Variants in COL24A1 observed in about 807,000 individuals in gnomAD.
COL24A1 encodes the protein collagen alpha-1(XXIV) chain.
In COL24A1, 224 loss-of-function variants were observed where a neutral mutation model predicts 253.9. The observed-to-expected ratio is 0.88, with a 90% CI of 0.79 to 0.99. The LOEUF is 0.99. Ranked by LOEUF, COL24A1 falls within the 50% of genes least tolerant of loss-of-function variation. The probability of loss-of-function intolerance (pLI) is 0.00; values close to 1 mark genes in which losing one functional copy is unlikely to be tolerated. For synonymous variants in COL24A1, 685 were observed against 673.7 expected, an observed-to-expected ratio of 1.02 and a Z score of -0.26; for missense variants, 2,131 against 2,068.5, an observed-to-expected ratio of 1.03 and a Z score of -0.59.
intron 3 of COL24A1, among the ~76,000 whole-genome samples, chr1:86,118,844 A>C (rs1336052): frequency 0.91 from 137,752 of 152,012 alleles, 62,496 homozygotes; most frequent in Middle Eastern, 0.98. Flanking sequence ...GCCATGAGTA[A>C]AACAAAACAA....
chr1:86,047,232 C>T (rs767539667), intron 11 of COL24A1, among the ~76,000 whole-genome samples: 3 of 152,184 alleles, frequency 2.0e-5, no homozygotes, highest in Non-Finnish European at 4.4e-5. Context: ...CTCCTCTCTG[C>T]CTTCCCCTCT....
chr1:86,022,613 A>G (rs2101355942), intron 16 of COL24A1, 22 bp from the exon 17 acceptor site: 6 of 1,606,066 alleles, frequency 3.7e-6, no homozygotes, highest in Middle Eastern at 3.3e-4. Flanking sequence ...AATTTCATGC[A>G]AAGATACTTA....
chr1:85,932,971 A>C (rs1687900713), intron 24 of COL24A1, among the ~76,000 whole-genome samples: 1 of 130,268 alleles, frequency 7.7e-6, no homozygotes, highest in Non-Finnish European at 1.6e-5. Context: ...TAGTATTGGG[A>C]GATATACCTA....
At position 86,057,948 on chromosome 1, in the gene COL24A1, C is replaced by T. The variant is rs1700780660; in HGVS notation, c.1834G>A (p.Gly612Ser). The change falls in exon 10 of 60, where the codon GGT (glycine) becomes AGT (serine). Residue 612 changes from glycine (G) to serine (S), a missense_variant. By Grantham distance (56) the Gly-to-Ser change is moderately conservative. Transcript: ENST00000370571. ...QGLAGPEGNP[G>S]PKGAQGFIGS... ...CTACTTACTTGTGCACCTTTAGGAC[C>T]TGGATTACCTTCTGGTCCAGCTAAA... 4 of 1,613,008 alleles carry T rather than the reference C, an allele frequency of 2.5e-6. No individual in the cohort carries two copies. In the East Asian group the frequency reaches 6.7e-5, roughly 27 times the overall value.
intron 47 of COL24A1, among the ~76,000 whole-genome samples, chr1:85,793,544 G>C (rs1273356979): frequency 1.3e-5 from 2 of 152,116 alleles, no homozygotes; most frequent in Non-Finnish European, 2.9e-5. Context: ...TTAGGATTCA[G>C]GTGATGTAGT....
intron 46 of COL24A1, 36 bp downstream of exon 46, chr1:85,817,998 G>A: frequency 6.3e-7 from 1 of 1,590,924 alleles, no homozygotes; most frequent in Non-Finnish European, 8.6e-7. Context: ...GTTCCATTTA[G>A]AAAAGCAAGA....
intron 43 of COL24A1, among the ~76,000 whole-genome samples, chr1:85,830,765 C>T (rs142697188): frequency 0.01 from 1,540 of 152,278 alleles, 29 homozygotes; most frequent in African/African-American, 0.035. Flanking sequence ...GAGGCAATGC[C>T]TTGCCCTGCT....
chr1:86,103,305 G>T (rs1238486503), intron 5 of COL24A1, among the ~76,000 whole-genome samples: 4 of 152,128 alleles, frequency 2.6e-5, no homozygotes, highest in African/African-American at 9.7e-5. Context: ...CTTAAAGACA[G>T]CCTAACATTG....
At chr1:86,071,962 G>A (rs1489993488) in intron 7 of COL24A1, among the ~76,000 whole-genome samples, 2 of 152,146 alleles carry the variant, frequency 1.3e-5, no homozygotes, top group African/African-American at 4.8e-5. Flanking sequence ...TGCCTTGTGG[G>A]ACAGAGCTAT....
At chr1:85,962,817 G>A (rs1457263013) in intron 23 of COL24A1, among the ~76,000 whole-genome samples, 2 of 152,098 alleles carry the variant, frequency 1.3e-5, no homozygotes, top group African/African-American at 4.8e-5. Flanking sequence ...TTATATTCCA[G>A]TGTAGAACAG....
chr1:85,968,969 G>A (rs889716693), intron 22 of COL24A1, among the ~76,000 whole-genome samples: 1 of 152,080 alleles, frequency 6.6e-6, no homozygotes. Flanking sequence ...AAATAGGAAC[G>A]ATATCTTGCA....
intron 2 of COL24A1, among the ~76,000 whole-genome samples, chr1:86,131,717 T>C (rs1034364835): frequency 6.6e-6 from 1 of 152,168 alleles, no homozygotes; most frequent in Admixed American, 6.5e-5. Context: ...CTGCATGGTA[T>C]TCCATGGTGT....
chr1:85,960,777 G>A (rs116540842), intron 24 of COL24A1: 11,764 of 157,300 alleles, frequency 0.075, 491 homozygotes, highest in African/African-American at 0.085. Context: ...CAGCTATCCC[G>A]GGAGGCTGAG....
At chr1:85,903,078 C>G (rs1241848259) in intron 28 of COL24A1, among the ~76,000 whole-genome samples, 2 of 152,000 alleles carry the variant, frequency 1.3e-5, no homozygotes. Flanking sequence ...TAAAAAAACC[C>G]ATTACTTAGA....
intron 39 of COL24A1, among the ~76,000 whole-genome samples, chr1:85,844,672 A>G (rs1676976976): frequency 6.6e-6 from 1 of 151,974 alleles, no homozygotes; most frequent in Non-Finnish European, 1.5e-5. Context: ...AACCAAAGGA[A>G]AAAAAATTAA....
At chr1:86,146,785 A>G (rs554502903) in intron 1 of COL24A1, among the ~76,000 whole-genome samples, 2 of 152,054 alleles carry the variant, frequency 1.3e-5, no homozygotes, top group African/African-American at 2.4e-5. Context: ...GAGCATTTTG[A>G]TTAGTAGTAG....
At chr1:85,830,108 A>G (rs1674995490) in intron 43 of COL24A1, among the ~76,000 whole-genome samples, 1 of 151,932 alleles carries the variant, frequency 6.6e-6, no homozygotes, top group Non-Finnish European at 1.5e-5. Context: ...TTCGGTGTGG[A>G]TGTCCTTTCT....
Position 85,991,710 on chromosome 1 carries a change from G to T in COL24A1, c.2311-4056C>A, listed in dbSNP as rs1284281737. On this transcript the variant is annotated intron_variant, in intron 19 of 59. Coordinates refer to ENST00000370571, the MANE Select transcript of COL24A1 (RefSeq NM_152890.7). ...TTAAAACGTCATTAAAGTATCAGTG[G>T]AGAAATATTAAAAAGACAAAGTGGT... 2.0e-5 allele frequency among the ~76,000 whole-genome samples: 3 copies of T among 152,180 alleles called. 1 individual carries two copies. Among genetic ancestry groups the T allele is most frequent in the South Asian group, 4.1e-4 (2 of 4,820 alleles).
chr1:86,047,438 C>T (rs779358897), intron 11 of COL24A1, among the ~76,000 whole-genome samples: 1 of 152,104 alleles, frequency 6.6e-6, no homozygotes, highest in Non-Finnish European at 1.5e-5. Context: ...GGCTTTGGAG[C>T]CAGACAAAAC....
Sources: allele counts gnomAD v4.1 joint callset (sites outside exome capture counted in the v4.1 genomes callset), GRCh38; gene constraint gnomAD v4.1.1; transcripts MANE v1.5; gene names NCBI Gene and HGNC (gene_info 2026-07-23, HGNC 2026-07-21).